Variants in SLC30A8 observed in about 807,000 individuals in gnomAD.
SLC30A8 encodes the protein solute carrier family 30 member 8.
SLC30A8 carries 27 observed loss-of-function variants against 36.9 expected under a neutral mutation model. The ratio of observed to expected loss-of-function variants is 0.73; its 90% CI spans 0.54 to 1.01. The LOEUF is 1.01. Among genes scored for constraint, SLC30A8 ranks in the 50% least tolerant of loss-of-function variants. The pLI is 0.00. For synonymous variants in SLC30A8, 164 were observed against 172.4 expected, an observed-to-expected ratio of 0.95 and a Z score of 0.38; for missense variants, 439 against 452.0, an observed-to-expected ratio of 0.97 and a Z score of 0.26.
At chr8:117,153,538 G>A (rs1183534381) in intron 3 of SLC30A8, among the ~76,000 whole-genome samples, 2 of 152,166 alleles carry the variant, frequency 1.3e-5, no homozygotes, top group Admixed American at 6.5e-5. Context: ...CTCACACACA[G>A]CATTTAGCCA....
chr8:116,993,329 G>A (rs916169934), intron 1 of SLC30A8, among the ~76,000 whole-genome samples: 1 of 152,040 alleles, frequency 6.6e-6, no homozygotes, highest in African/African-American at 2.4e-5. Context: ...TACTCTACAA[G>A]TGTGGGTAAA....
intron 6 of SLC30A8, among the ~76,000 whole-genome samples, chr8:117,164,774 C>T (rs562749884): frequency 6.6e-6 from 1 of 152,198 alleles, no homozygotes; most frequent in African/African-American, 2.4e-5. Context: ...AAGGCCTGCT[C>T]TTAGCCCCGA....
chr8:117,149,373 G>GTTAGC (rs1324676123), intron 2 of SLC30A8, among the ~76,000 whole-genome samples: 5 of 152,162 alleles, frequency 3.3e-5, no homozygotes, highest in African/African-American at 1.2e-4. Flanking sequence ...CTTACTATGT[G>GTTAGC]TTAGAAGCTG....
intron 2 of SLC30A8, among the ~76,000 whole-genome samples, chr8:117,120,187 G>A (rs568835349): frequency 1.3e-5 from 2 of 151,994 alleles, no homozygotes; most frequent in South Asian, 4.2e-4. Context: ...AAACAAAAAT[G>A]AAGGTATCAC....
At chr8:117,065,143 T>A (rs1311555972) in intron 2 of SLC30A8, among the ~76,000 whole-genome samples, 5 of 152,066 alleles carry the variant, frequency 3.3e-5, no homozygotes, top group Admixed American at 3.3e-4. Context: ...GTCAGAAAGA[T>A]TGCAACAGAA....
intron 1 of SLC30A8, among the ~76,000 whole-genome samples, chr8:117,021,669 C>T (rs1055278465): frequency 6.6e-6 from 1 of 152,162 alleles, no homozygotes; most frequent in Non-Finnish European, 1.5e-5. Flanking sequence ...CTAAAATCTG[C>T]ATGGATTTGC....
At chr8:117,154,102 A>G (rs1822345390) in intron 3 of SLC30A8, among the ~76,000 whole-genome samples, 2 of 152,296 alleles carry the variant, frequency 1.3e-5, no homozygotes, top group Admixed American at 6.5e-5. Flanking sequence ...TTTAATTTTA[A>G]TAAGTTCTGG....
intron 2 of SLC30A8, among the ~76,000 whole-genome samples, chr8:117,065,868 G>A (rs1691365649): frequency 6.6e-6 from 1 of 152,150 alleles, no homozygotes; most frequent in African/African-American, 2.4e-5. Context: ...TTCAGAAGAT[G>A]TCCTGTGGAA....
intron 2 of SLC30A8, among the ~76,000 whole-genome samples, chr8:117,115,840 C>T (rs1478015564): frequency 6.6e-6 from 1 of 151,964 alleles, no homozygotes; most frequent in Non-Finnish European, 1.5e-5. Context: ...AGGCTCATTC[C>T]ATAGAGAGGA....
upstream of SLC30A8, chr8:117,134,754 G>T (rs909170686): frequency 6.6e-6 from 1 of 151,978 alleles, no homozygotes; most frequent in Non-Finnish European, 1.5e-5. Flanking sequence ...ATTGACCCTT[G>T]TCCTCCCTTT....
chr8:117,148,719 A>G (rs568657703), intron 2 of SLC30A8, among the ~76,000 whole-genome samples: 1 of 152,252 alleles, frequency 6.6e-6, no homozygotes, highest in Non-Finnish European at 1.5e-5. Flanking sequence ...TCAAGGTTTT[A>G]TGGTGTTCAT....
intron 2 of SLC30A8, among the ~76,000 whole-genome samples, chr8:117,102,084 C>T (rs1048789364): frequency 6.6e-5 from 10 of 152,032 alleles, no homozygotes; most frequent in African/African-American, 1.9e-4. Context: ...CCAACTTGTT[C>T]GGTTTTTTTA....
chr8:117,071,300 G>A (rs1316791877), intron 2 of SLC30A8, among the ~76,000 whole-genome samples: 2 of 152,100 alleles, frequency 1.3e-5, no homozygotes, highest in Admixed American at 1.3e-4. Flanking sequence ...CTAATGATGA[G>A]TGATGCTGAG....
chr8:117,059,454 T>C (rs1459067138), intron 2 of SLC30A8, among the ~76,000 whole-genome samples: 1 of 152,212 alleles, frequency 6.6e-6, no homozygotes, highest in Non-Finnish European at 1.5e-5. Flanking sequence ...CAAATATTCA[T>C]GTAACATCTA....
chr8:117,057,137 C>T (rs753302268), intron 2 of SLC30A8, among the ~76,000 whole-genome samples: 13 of 152,182 alleles, frequency 8.5e-5, no homozygotes, highest in Admixed American at 1.3e-4. Flanking sequence ...AATTTGATGT[C>T]GAGTGAGGGT....
intron 1 of SLC30A8, among the ~76,000 whole-genome samples, chr8:117,141,012 T>C (rs1054814166): frequency 6.6e-6 from 1 of 152,096 alleles, no homozygotes; most frequent in Non-Finnish European, 1.5e-5. Flanking sequence ...TAAGTAAAGA[T>C]ATTGAATTAT....
chr8:117,148,173 T>C (rs1821992004), intron 2 of SLC30A8, among the ~76,000 whole-genome samples: 1 of 152,068 alleles, frequency 6.6e-6, no homozygotes, highest in Non-Finnish European at 1.5e-5. Flanking sequence ...CTCACTATTT[T>C]AGTGCTTAAC....
Position 117,011,340 on chromosome 8 carries a change from G to T in SLC30A8, c.-265-27879G>T, listed in dbSNP as rs148582456. ...GTCTTGACCAACGTTTCATTTTTCAGGTTGTGTCCTCTTTGCCTGAATGAA... is the reference window on the plus strand; with the variant it reads ...GTCTTGACCAACGTTTCATTTTTCATGTTGTGTCCTCTTTGCCTGAATGAA... On this transcript the variant is annotated intron_variant, in intron 1 of 10. Transcript: ENST00000427715. Among the ~76,000 whole-genome samples, 72 of 152,262 alleles carry T rather than the reference G, an allele frequency of 4.7e-4. 1 individual carries two copies. Among genetic ancestry groups the T allele is most frequent in the African/African-American group, 1.7e-3 (71 of 41,550 alleles).
intron 2 of SLC30A8, among the ~76,000 whole-genome samples, chr8:117,066,318 A>G (rs2130792218): frequency 6.6e-6 from 1 of 152,290 alleles, no homozygotes; most frequent in Admixed American, 6.5e-5. Flanking sequence ...TATTGCTTGT[A>G]CATCTGCTGT....
Sources: allele counts gnomAD v4.1 joint callset (sites outside exome capture counted in the v4.1 genomes callset), GRCh38; gene constraint gnomAD v4.1.1; transcripts MANE v1.5; gene names NCBI Gene and HGNC (gene_info 2026-07-23, HGNC 2026-07-21).